Variants in TTPAL observed in about 807,000 individuals in gnomAD.
The protein encoded by TTPAL is alpha tocopherol transfer protein like.
In TTPAL, 21 loss-of-function variants were observed where a neutral mutation model predicts 28.7. That is an observed-to-expected ratio of 0.73 (90% confidence interval 0.52 to 1.06). The LOEUF (loss-of-function observed/expected upper bound fraction) is 1.06. TTPAL is among the 50% of genes least tolerant of loss of function. TTPAL has a pLI of 0.00. For missense variants in TTPAL, 345 were observed against 425.5 expected, an observed-to-expected ratio of 0.81 and a Z score of 1.67; for synonymous variants, 169 against 171.9, an observed-to-expected ratio of 0.98 and a Z score of 0.13.
chr20:44,480,827 C>T lies in TTPAL; in HGVS notation c.445+383C>T, dbSNP rs918014525. On this transcript the variant is annotated intron_variant, in intron 2 of 4. Coordinates refer to ENST00000262605, the MANE Select transcript of TTPAL (RefSeq NM_001039199.3). The surrounding 1 kb of genome is among the most constrained non-coding windows in gnomAD (Gnocchi z 4.1). The stretch of plus-strand genomic sequence containing the variant: ...ACACTTTTTCTGTGTATGGCTGTCC[C>T]GCTCCTGTGCACGTAGTTAAATCTG... Among the ~76,000 whole-genome samples the T allele has an allele frequency of 3.3e-5, 5 of 152,282 alleles. No homozygotes were observed. Among genetic ancestry groups the T allele is most frequent in the East Asian group, 3.9e-4 (2 of 5,192 alleles).
chr20:44,480,420 T>C lies in TTPAL; in HGVS notation c.421T>C (p.Cys141Arg). The C allele has an allele frequency of 1.2e-6, 2 of 1,606,754 alleles. No homozygotes were observed. The highest frequency in any genetic ancestry group is 1.7e-6 in the Non-Finnish European group (2 of 1,174,986). ...GCTGCCCCACACTGACCCCAGGGGC[T>C]GCCATGTCGTCTGCATCCGCCCAGG... is the stretch of plus-strand genomic sequence containing the variant. ...TVLPHTDPRG[C>R]HVVCIRPDRW... The change falls in exon 2 of 5, where the codon TGC (cysteine) becomes CGC (arginine). Residue 141 changes from cysteine to arginine, a missense_variant. Physicochemically the swap from Cys to Arg is radical, Grantham distance 180. Transcript: ENST00000262605. The surrounding 1 kb of genome is among the most constrained non-coding windows in gnomAD (Gnocchi z 4.1).
chr20:44,489,723 C>A lies in TTPAL; in HGVS notation c.*182C>A. On this transcript the variant is annotated 3_prime_UTR_variant, in exon 5 of 5. Transcript: ENST00000262605. ...TAAGCCTTTGGTTACTTTAATTACTCCATGGAAGACATGGAAAATGTCCCC... is the reference window on the plus strand; with the variant it reads ...TAAGCCTTTGGTTACTTTAATTACTACATGGAAGACATGGAAAATGTCCCC... 1 of 612,436 alleles carries A rather than the reference C, an allele frequency of 1.6e-6. No homozygotes were observed. Among genetic ancestry groups the A allele is most frequent in the Non-Finnish European group, 2.8e-6 (1 of 359,446 alleles). The allele number at this position is 612,436 out of a possible 1,614,324, so 37.9% of individuals were successfully genotyped here.
chr20:44,486,697 A>G lies in TTPAL; in HGVS notation c.741A>G (p.Ile247Met), dbSNP rs1428056106. The G allele has an allele frequency of 1.9e-6, 3 of 1,585,442 alleles. No individual in the cohort carries two copies. Among genetic ancestry groups the G allele is most frequent in the Admixed American group, 1.7e-5 (1 of 59,458 alleles). The change falls in exon 4 of 5, where the codon ATA becomes ATG. Residue 247 changes from isoleucine to methionine, a missense_variant. By Grantham distance (10) the Ile-to-Met change is conservative (BLOSUM62 1). Transcript: ENST00000262605. ...AIIKPFLKEK[I>M]ANRFFLHGSD... is the part of the protein sequence containing the mutation. ...TAAAACCATTTCTAAAGGAGAAAAT[A>G]GCAAACAGAGTAAGTGATGATCCTA... is the stretch of plus-strand genomic sequence containing the variant.
intron 2 of TTPAL, 46 bp from the exon 3 acceptor site, chr20:44,484,291 T>C (rs376335325): frequency 1.5e-6 from 2 of 1,311,150 alleles, no homozygotes; most frequent in South Asian, 2.1e-5. Context: ...TGACCACTTA[T>C]TTATATTAAC....
rs1030077016 is a variant in TTPAL at position 44,480,730 on chromosome 20, G to A, written c.445+286G>A. ...AATGCCACCAGGAGCCAAGACAGCC[G>A]TTCTCCCTGTCTCTGCCTGACGGTC... On this transcript the variant is annotated intron_variant, in intron 2 of 4. Coordinates refer to ENST00000262605, the MANE Select transcript of TTPAL (RefSeq NM_001039199.3). This position sits in a 1 kb window ranked among gnomAD's most constrained non-coding sequence, Gnocchi z 4.1. Among the ~76,000 whole-genome samples, 5 of 152,148 alleles carry A rather than the reference G, an allele frequency of 3.3e-5. No homozygotes were observed. Among genetic ancestry groups the A allele is most frequent in the East Asian group, 1.9e-4 (1 of 5,186 alleles).
chr20:44,487,413 C>T (rs1174088677), intron 4 of TTPAL, among the ~76,000 whole-genome samples: 2 of 152,126 alleles, frequency 1.3e-5, no homozygotes, highest in Non-Finnish European at 2.9e-5. Flanking sequence ...TATGGTCTTG[C>T]CACTGTGTTC....
At position 44,489,338 on chromosome 20, in the gene TTPAL, G is replaced by A. The variant is rs1186242160; in HGVS notation, c.826G>A (p.Gly276Ser). The change falls in exon 5 of 5, where the codon GGC (glycine) becomes AGC (serine). Residue 276 changes from glycine (G) to serine (S), a missense_variant. Transcript: ENST00000262605. ...PRSILPKEYG[G>S]TAGELDTATW... ...AAGCATCCTCCCCAAGGAGTATGGG[G>A]GCACGGCTGGGGAGCTGGACACTGC... 4 of 1,614,074 alleles carry A rather than the reference G, an allele frequency of 2.5e-6. No homozygotes were observed. In the African/African-American group the frequency reaches 4.0e-5, roughly 16 times the overall value.
intron 1 of TTPAL, among the ~76,000 whole-genome samples, chr20:44,476,799 T>G (rs576741815): frequency 1.1e-3 from 167 of 152,384 alleles, no homozygotes; most frequent in African/African-American, 3.8e-3. Context: ...ATTGTTTGCG[T>G]CTGTGTTCCC....
Position 44,489,812 on chromosome 20 carries a change from G to C in TTPAL, c.*271G>C, listed in dbSNP as rs1231414267. 10 of 404,534 alleles carry C rather than the reference G, an allele frequency of 2.5e-5. No individual in the cohort carries two copies. The East Asian group carries it at 4.3e-4, about 18-fold the overall frequency. The allele number at this position is 404,534 out of a possible 1,614,324, so 25.1% of individuals were successfully genotyped here. ...TTAATCTGGAGGCTATATCTATTTT[G>C]TTTTGCTTTTTGGTTGGGGGGTGGT... On this transcript the variant is annotated 3_prime_UTR_variant, in exon 5 of 5. Transcript: ENST00000262605.
At chr20:44,489,149 T>C (rs2064179648) in intron 4 of TTPAL, 114 bp from the exon 5 acceptor site, 20 of 1,230,456 alleles carry the variant, frequency 1.6e-5, no homozygotes, top group Non-Finnish European at 2.1e-5. Flanking sequence ...GAGTTGCCAT[T>C]AACATTTCCT....
At chr20:44,485,604 A>C (rs2064144522) in intron 3 of TTPAL, among the ~76,000 whole-genome samples, 1 of 152,114 alleles carries the variant, frequency 6.6e-6, no homozygotes, top group African/African-American at 2.4e-5. Flanking sequence ...TATTTAAATA[A>C]ATCAGTGCAC....
intron 4 of TTPAL, among the ~76,000 whole-genome samples, chr20:44,488,263 C>T (rs2064170933): frequency 6.6e-6 from 1 of 152,152 alleles, no homozygotes; most frequent in Non-Finnish European, 1.5e-5. Flanking sequence ...TAGTGGCTTC[C>T]CTGACTGTAT....
chr20:44,477,160 G>A (rs150703396), intron 1 of TTPAL, among the ~76,000 whole-genome samples: 10 of 152,284 alleles, frequency 6.6e-5, no homozygotes, highest in East Asian at 1.9e-4. Flanking sequence ...GGTGGGGTGC[G>A]ATGGAAAATG....
chr20:44,489,507 G>C lies in TTPAL; in HGVS notation c.995G>C (p.Arg332Pro), dbSNP rs200770460. 1.9e-6 allele frequency: 3 copies of C among 1,614,192 alleles called. No individual in the cohort carries two copies. The highest frequency in any genetic ancestry group is 2.5e-6 in the Non-Finnish European group (3 of 1,180,042). ...TSDAQCDDSL[R>P]AVKSQLYSCY ...GATGCACAGTGTGACGACTCCTTGC[G>C]AGCTGTGAAGTCACAGCTGTACTCC... The change falls in exon 5 of 5, where the codon CGA (arginine) becomes CCA (proline). Residue 332 changes from arginine (R) to proline (P), a missense_variant. Arg to Pro is a moderately radical substitution (Grantham distance 103, BLOSUM62 -2). Coordinates refer to ENST00000262605, the MANE Select transcript of TTPAL (RefSeq NM_001039199.3).
In TTPAL at chr20:44,484,376, T is replaced by C; in HGVS notation, c.485T>C (p.Ile162Thr). The C allele has an allele frequency of 1.3e-6, 2 of 1,594,124 alleles. No individual in the cohort carries two copies. Among genetic ancestry groups the C allele is most frequent in the Non-Finnish European group, 1.7e-6 (2 of 1,164,012 alleles). The change falls in exon 3 of 5, where the codon ATC (isoleucine) becomes ACC (threonine). Residue 162 changes from isoleucine (I) to threonine (T), a missense_variant. Ile to Thr is a moderately conservative substitution (Grantham distance 89). Coordinates refer to ENST00000262605, the MANE Select transcript of TTPAL (RefSeq NM_001039199.3). ...IPSNYPITEN[I>T]RAIYLTLEKL... ...AGCAACTATCCAATTACTGAAAACA[T>C]CCGAGCCATATACTTGACCTTAGAA...
In TTPAL at chr20:44,484,323, T is replaced by C. The variant is rs1426122879; in HGVS notation, c.446-14T>C. ...TAACTTCTGTAACATACTGTCAATCTCTTATGACCTTAGACAGATGGATAC... is the reference window on the plus strand; with the variant it reads ...TAACTTCTGTAACATACTGTCAATCCCTTATGACCTTAGACAGATGGATAC... On this transcript the variant is annotated splice_polypyrimidine_tract_variant and intron_variant, in intron 2 of 4. Coordinates refer to ENST00000262605, the MANE Select transcript of TTPAL (RefSeq NM_001039199.3). The C allele has an allele frequency of 2.0e-6, 3 of 1,482,266 alleles. No individual in the cohort carries two copies. Among genetic ancestry groups the C allele is most frequent in the Non-Finnish European group, 2.7e-6 (3 of 1,095,990 alleles). The allele number at this position is 1,482,266 out of a possible 1,614,324, so 91.8% of individuals were successfully genotyped here.
intron 4 of TTPAL, among the ~76,000 whole-genome samples, chr20:44,487,369 G>A (rs2064161876): frequency 6.6e-6 from 1 of 152,234 alleles, no homozygotes; most frequent in South Asian, 2.1e-4. Flanking sequence ...TTGAGCTCAG[G>A]AATTCAAGGC....
chr20:44,478,279 C>G (rs539177541), intron 1 of TTPAL, among the ~76,000 whole-genome samples: 15 of 152,368 alleles, frequency 9.8e-5, no homozygotes, highest in African/African-American at 3.6e-4. Flanking sequence ...TGCAGATCAG[C>G]TCCTGTGAAG....
At chr20:44,479,817 G>GGGTCAGACTTGC (rs2064084521) in intron 1 of TTPAL, among the ~76,000 whole-genome samples, 168 bp from the exon 2 acceptor site, 1 of 152,190 alleles carries the variant, frequency 6.6e-6, no homozygotes, top group African/African-American at 2.4e-5. Context: ...AGCCGGCCTG[G>GGGTCAGACTTGC]GGTCAGACTT....
Sources: gnomAD v4.1 joint callset for allele counts (sites outside exome capture counted in the v4.1 genomes callset) on GRCh38, gnomAD v4.1.1 for gene constraint, Gnocchi (gnomAD v3.1) non-coding constraint, MANE v1.5 for transcripts, NCBI Gene and HGNC (gene_info 2026-07-23, HGNC 2026-07-21) for gene names.